The following SPINK5 variants were observed in gnomAD, a reference collection of about 807,000 sequenced individuals.
SPINK5 encodes serine protease inhibitor Kazal-type 5.
SPINK5 carries 125 observed loss-of-function variants against 151.8 expected under a neutral mutation model. The ratio of observed to expected loss-of-function variants is 0.82; its 90% CI spans 0.71 to 0.96. The LOEUF (loss-of-function observed/expected upper bound fraction) is 0.96. SPINK5 is among the 40% of genes least tolerant of loss of function. SPINK5 has a pLI of 0.00. For synonymous variants in SPINK5, 374 were observed against 395.3 expected (o/e 0.95, Z 0.64); for missense variants, 1,194 against 1,291.9 (o/e 0.92, Z 1.16).
chr5:148,073,869 TAA>T (rs1210756612), intron 4 of SPINK5, among the ~76,000 whole-genome samples: 1 of 100,878 alleles, frequency 9.9e-6, no homozygotes, highest in Non-Finnish European at 2.2e-5. Flanking sequence ...CACAAAACTG[TAA>T]AAAAAAAAAA....
At chr5:148,086,876 GATTT>G (rs1753171321) in intron 5 of SPINK5, among the ~76,000 whole-genome samples, 1 of 149,092 alleles carries the variant, frequency 6.7e-6, no homozygotes, top group African/African-American at 2.4e-5. Flanking sequence ...TAATAAAACA[GATTT>G]AATATTTTAA....
chr5:148,135,899 A>T (rs1754683648), intron 32 of SPINK5, among the ~76,000 whole-genome samples: 3 of 152,138 alleles, frequency 2.0e-5, no homozygotes, highest in Admixed American at 2.0e-4. Context: ...TTATGCAATA[A>T]CTATTATACA....
intron 18 of SPINK5, 94 bp from the exon 19 acceptor site, chr5:148,111,674 C>T (rs1458632895): frequency 8.2e-6 from 13 of 1,580,240 alleles, no homozygotes; most frequent in Middle Eastern, 1.7e-4. Flanking sequence ...TCCATGCAAT[C>T]ATTATGTTTT....
intron 10 of SPINK5, 70 bp downstream of exon 10, chr5:148,095,975 C>A: frequency 8.4e-7 from 1 of 1,187,986 alleles, no homozygotes; most frequent in Non-Finnish European, 1.3e-6. Context: ...TGAGAGAGTG[C>A]ATATTACATA....
chr5:148,126,940 G>A, intron 29 of SPINK5, 43 bp from the exon 30 acceptor site: 2 of 1,476,116 alleles, frequency 1.4e-6, no homozygotes, highest in Non-Finnish European at 9.3e-7. Context: ...GAAGTTATAG[G>A]AACTGTTTCT....
At chr5:148,068,817 T>G (rs1190986029) in intron 2 of SPINK5, among the ~76,000 whole-genome samples, 1 of 152,090 alleles carries the variant, frequency 6.6e-6, no homozygotes, top group African/African-American at 2.4e-5. Context: ...CTAGTGAATT[T>G]TCACTGGGTA....
At chr5:148,080,237 A>G (rs985045350) in intron 4 of SPINK5, among the ~76,000 whole-genome samples, 1 of 151,362 alleles carries the variant, frequency 6.6e-6, no homozygotes, top group African/African-American at 2.4e-5. Flanking sequence ...AAAATGAAAG[A>G]TCCAAATAAC....
intron 27 of SPINK5, 23 bp from the exon 28 acceptor site, chr5:148,124,742 C>CATCT: frequency 1.5e-6 from 2 of 1,374,028 alleles, no homozygotes; most frequent in Non-Finnish European, 2.0e-6. Flanking sequence ...ATTACCCTAT[C>CATCT]TTTTTTTTTA....
rs769465912 is a variant in SPINK5 at position 148,126,982 on chromosome 5, G to C, written c.2868-1G>C. On this transcript the variant is annotated splice_acceptor_variant, in intron 29 of 32. Transcript: ENST00000256084. LOFTEE classifies it high-confidence loss of function. ...AAATTATTTTTTATTTTCTTCTCTA[G>C]TCTAACAGAAGCTTTGGAAAGGGCA... 2 of 1,608,996 alleles carry C rather than the reference G, an allele frequency of 1.2e-6. No individual in the cohort carries two copies. Among genetic ancestry groups the C allele is most frequent in the Non-Finnish European group, 1.7e-6 (2 of 1,177,090 alleles).
In SPINK5 at chr5:148,125,711, C is replaced by G; in HGVS notation, c.2740-12C>G. 6.2e-7 allele frequency: 1 copy of G among 1,614,206 alleles called. No homozygotes were observed. Among genetic ancestry groups the G allele is most frequent in the Middle Eastern group, 1.6e-4 (1 of 6,062 alleles). On this transcript the variant is annotated splice_polypyrimidine_tract_variant and intron_variant, in intron 28 of 32. Coordinates refer to ENST00000256084, the MANE Select transcript of SPINK5 (RefSeq NM_006846.4). ...ACAAAGCCATGTTCACTTTCCCTTT[C>G]TCATTTTCTAGGATGAGTGCAGTGA... is the stretch of plus-strand genomic sequence containing the variant.
intron 5 of SPINK5, 25 bp downstream of exon 5, chr5:148,086,557 T>C (rs763636029): frequency 6.2e-7 from 1 of 1,608,894 alleles, no homozygotes; most frequent in Admixed American, 1.7e-5. Flanking sequence ...AAGTAGGCTT[T>C]CTCCCTAAAA....
At chr5:148,092,015 T>C (rs754891401) in intron 8 of SPINK5, among the ~76,000 whole-genome samples, 24 of 151,894 alleles carry the variant, frequency 1.6e-4, no homozygotes, top group Non-Finnish European at 3.4e-4. Flanking sequence ...GGTTTTGCCA[T>C]GCTCTGGGTG....
intron 4 of SPINK5, among the ~76,000 whole-genome samples, chr5:148,081,239 C>T (rs1006284225): frequency 1.3e-5 from 2 of 151,514 alleles, no homozygotes. Context: ...ACAGATTGAC[C>T]ATGTGATCCA....
chr5:148,116,385 GGAAA>G lies in SPINK5; in HGVS notation c.2038_2041del (p.Lys680GlyfsTer34). ...TAATTTCCAGCCAGAAAGAAAATGA[GGAAA>G]GAAAGAGGAAAGAAGAGGAAGATCA... is the stretch of plus-strand genomic sequence containing the variant. On this transcript the variant is annotated frameshift_variant, in exon 22 of 33. Transcript: ENST00000256084. LOFTEE classifies it high-confidence loss of function. The G allele has an allele frequency of 6.2e-7, 1 of 1,614,040 alleles. No individual in the cohort carries two copies. Among genetic ancestry groups the G allele is most frequent in the Non-Finnish European group, 8.5e-7 (1 of 1,179,954 alleles).
chr5:148,127,468 G>A (rs1363015522), intron 30 of SPINK5, among the ~76,000 whole-genome samples: 1 of 152,074 alleles, frequency 6.6e-6, no homozygotes. Flanking sequence ...AACCAAATCT[G>A]TTTCTACATC....
In SPINK5 at chr5:148,089,496, TG is replaced by T; in HGVS notation, c.478del (p.Val160TyrfsTer43). On this transcript the variant is annotated frameshift_variant, in exon 7 of 33. Coordinates refer to ENST00000256084, the MANE Select transcript of SPINK5 (RefSeq NM_006846.4). LOFTEE classifies it high-confidence loss of function. ...AAGTTCTTTTCCCTGTTCTTCAGGA[TG>T]TATGCAGTGCTTTTCGGCCCTTTGT... ...ECKSSNPEQD[V>X]CSAFRPFVRD... The T allele has an allele frequency of 6.2e-7, 1 of 1,611,718 alleles. No individual in the cohort carries two copies. Among genetic ancestry groups the T allele is most frequent in the South Asian group, 1.1e-5 (1 of 91,046 alleles).
At position 148,123,827 on chromosome 5, in the gene SPINK5, TG is replaced by T; in HGVS notation, c.2539-4del. The T allele has an allele frequency of 6.2e-7, 1 of 1,613,900 alleles. No individual in the cohort carries two copies. The highest frequency in any genetic ancestry group is 8.5e-7 in the Non-Finnish European group (1 of 1,179,948). On this transcript the variant is annotated splice_region_variant and splice_polypyrimidine_tract_variant and intron_variant, in intron 26 of 32. Coordinates refer to ENST00000256084, the MANE Select transcript of SPINK5 (RefSeq NM_006846.4). The stretch of plus-strand genomic sequence containing the variant: ...CAGTAACAACTTTTTCTGCTACTGT[TG>T]GTAGGATCTGTGTCGTGAATTTCGA...
intron 1 of SPINK5, among the ~76,000 whole-genome samples, chr5:148,064,754 A>G (rs1406557631): frequency 6.6e-6 from 1 of 152,168 alleles, no homozygotes; most frequent in East Asian, 1.9e-4. Context: ...AATCATATAC[A>G]AATAATGCCC....
intron 3 of SPINK5, among the ~76,000 whole-genome samples, chr5:148,071,322 G>A (rs187149500): frequency 6.6e-6 from 1 of 152,074 alleles, no homozygotes; most frequent in East Asian, 1.9e-4. Context: ...AATCATATTG[G>A]GATAATGAAG....
Sources: allele counts gnomAD v4.1 joint callset (sites outside exome capture counted in the v4.1 genomes callset), GRCh38; gene constraint gnomAD v4.1.1; transcripts MANE v1.5; gene names NCBI Gene and HGNC (gene_info 2026-07-23, HGNC 2026-07-21).